PTPRD: variants seen among roughly 807,000 people sequenced by gnomAD.
The protein encoded by PTPRD is receptor-type tyrosine-protein phosphatase delta.
A neutral mutation model predicts 214.5 loss-of-function variants in PTPRD; 34 were observed. The ratio of observed to expected loss-of-function variants is 0.16; its 90% CI spans 0.12 to 0.21. PTPRD has a LOEUF of 0.21. PTPRD is among the 10% of genes least tolerant of loss of function. The pLI is 1.00. For synonymous variants in PTPRD, 1,128 were observed against 845.7 expected (o/e 1.33, Z -5.79); for missense variants, 2,545 against 2,398.7 (o/e 1.06, Z -1.27).
chr9:8,973,353 A>G (rs539572686), intron 11 of PTPRD, among the ~76,000 whole-genome samples: 1 of 152,174 alleles, frequency 6.6e-6, no homozygotes, highest in Non-Finnish European at 1.5e-5. Flanking sequence ...GCTTAGGATA[A>G]TGACCCCTAG....
At chr9:10,060,907 T>TC (rs1567408729) in intron 3 of PTPRD, among the ~76,000 whole-genome samples, 9 of 97,680 alleles carry the variant, frequency 9.2e-5, no homozygotes, top group African/African-American at 8.8e-4. Flanking sequence ...CTTCTTTCTT[T>TC]CTTTCTTTCT....
At position 8,339,033 on chromosome 9, in the gene PTPRD, T is replaced by C. The variant is rs1849711194; in HGVS notation, c.5268A>G (p.Gln1756=). The change falls in exon 43 of 46, where the codon CAA becomes CAG. Residue 1756 remains glutamine (Q), a synonymous_variant. Transcript: ENST00000381196. Reference sequence around the variant, plus strand: ...TTGCAGACCGTTCTGCTGGCCAGTATTGGTGACATTTCTCCTAAAAGGAGA... The same window carrying C: ...TTGCAGACCGTTCTGCTGGCCAGTACTGGTGACATTTCTCCTAAAAGGAGA... ...LREMGREKCH[Q]YWPAERSARY... is the part of the protein sequence containing the mutation. The C allele has an allele frequency of 1.2e-6, 2 of 1,611,496 alleles. No homozygotes were observed. Among genetic ancestry groups the C allele is most frequent in the Non-Finnish European group, 1.7e-6 (2 of 1,178,392 alleles).
At chr9:10,538,768 G>C (rs2058450041) in intron 2 of PTPRD, among the ~76,000 whole-genome samples, 1 of 152,080 alleles carries the variant, frequency 6.6e-6, no homozygotes. Flanking sequence ...TTCTTAAAAT[G>C]TGTAACAAAT....
intron 14 of PTPRD, among the ~76,000 whole-genome samples, chr9:8,533,129 T>C (rs779097598): frequency 3.3e-5 from 5 of 152,060 alleles, no homozygotes; most frequent in Non-Finnish European, 7.4e-5. Flanking sequence ...ATAAACAATA[T>C]TAACGATGCT....
At chr9:9,042,178 C>G (rs996107632) in intron 10 of PTPRD, among the ~76,000 whole-genome samples, 1 of 152,186 alleles carries the variant, frequency 6.6e-6, no homozygotes, top group African/African-American at 2.4e-5. Flanking sequence ...GACCGGTTGT[C>G]TCTGTGAGTC....
chr9:10,394,056 T>TTA (rs66596655), intron 2 of PTPRD, among the ~76,000 whole-genome samples: 2,630 of 139,996 alleles, frequency 0.019, 44 homozygotes, highest in Non-Finnish European at 0.026. Context: ...TATATACATA[T>TTA]TATATATATA....
chr9:9,738,589 C>A (rs1038973526), intron 6 of PTPRD, among the ~76,000 whole-genome samples: 2 of 151,552 alleles, frequency 1.3e-5, no homozygotes, highest in African/African-American at 4.9e-5. Flanking sequence ...CAGGCACGTG[C>A]CACCATCACG....
intron 11 of PTPRD, among the ~76,000 whole-genome samples, chr9:8,928,386 G>A (rs867504131): frequency 4.1e-4 from 63 of 152,226 alleles, no homozygotes; most frequent in Middle Eastern, 3.4e-3. Flanking sequence ...TGTATAAGGT[G>A]TAAGGAAGGG....
intron 9 of PTPRD, among the ~76,000 whole-genome samples, chr9:9,384,905 A>C (rs2063432575): frequency 6.6e-6 from 1 of 152,106 alleles, no homozygotes; most frequent in Non-Finnish European, 1.5e-5. Context: ...GAAACTCTCA[A>C]ACACTTTAAA....
chr9:9,692,049 A>C (rs532453505), intron 7 of PTPRD, among the ~76,000 whole-genome samples: 1 of 152,110 alleles, frequency 6.6e-6, no homozygotes, highest in East Asian at 1.9e-4. Context: ...AGTAGTTTGG[A>C]AATATTTTCT....
intron 9 of PTPRD, among the ~76,000 whole-genome samples, chr9:9,242,608 T>C (rs1046950347): frequency 1.1e-4 from 16 of 152,186 alleles, no homozygotes; most frequent in Non-Finnish European, 2.2e-4. Context: ...CCATCACTGA[T>C]ACCCTTTCTT....
At chr9:9,899,996 A>G (rs551517426) in intron 5 of PTPRD, among the ~76,000 whole-genome samples, 1 of 152,294 alleles carries the variant, frequency 6.6e-6, no homozygotes, top group South Asian at 2.1e-4. Context: ...CAGAAAGTAG[A>G]ATAATAGTTA....
intron 11 of PTPRD, among the ~76,000 whole-genome samples, chr9:8,813,701 A>G (rs2096863189): frequency 6.6e-6 from 1 of 152,274 alleles, no homozygotes; most frequent in East Asian, 1.9e-4. Context: ...ATGAGCTGTG[A>G]GGCTCGCTTC....
At chr9:9,685,619 A>C (rs1437887840) in intron 7 of PTPRD, among the ~76,000 whole-genome samples, 1 of 151,380 alleles carries the variant, frequency 6.6e-6, no homozygotes. Flanking sequence ...TTAAAGAAAC[A>C]AGGAAAAGTA....
chr9:8,679,571 G>A (rs2097509595), intron 12 of PTPRD, among the ~76,000 whole-genome samples: 1 of 152,148 alleles, frequency 6.6e-6, no homozygotes, highest in South Asian at 2.1e-4. Flanking sequence ...CTTTCAAATT[G>A]CTAAATTATC....
chr9:9,387,366 T>A (rs773491346), intron 9 of PTPRD, among the ~76,000 whole-genome samples: 3 of 152,222 alleles, frequency 2.0e-5, no homozygotes, highest in Admixed American at 6.5e-5. Flanking sequence ...TTATTTTTTT[T>A]CTTTAGATTT....
At chr9:10,545,976 T>G (rs191373846) in intron 2 of PTPRD, among the ~76,000 whole-genome samples, 7 of 152,232 alleles carry the variant, frequency 4.6e-5, no homozygotes, top group African/African-American at 1.7e-4. Flanking sequence ...CTTAGCACAT[T>G]CGACTATATA....
chr9:8,403,015 A>T (rs550489302), intron 36 of PTPRD, among the ~76,000 whole-genome samples: 2 of 152,294 alleles, frequency 1.3e-5, no homozygotes, highest in East Asian at 3.9e-4. Context: ...ATGTTGAGGT[A>T]AGGAGGGCCA....
intron 4 of PTPRD, among the ~76,000 whole-genome samples, chr9:10,017,654 A>G (rs13286755): frequency 0.12 from 18,842 of 152,122 alleles, 1,587 homozygotes; most frequent in African/African-American, 0.22. Flanking sequence ...CAATTATCTT[A>G]GTACATATAT....
Sources: allele counts gnomAD v4.1 joint callset (sites outside exome capture counted in the v4.1 genomes callset), GRCh38; gene constraint gnomAD v4.1.1; transcripts MANE v1.5; gene names NCBI Gene and HGNC (gene_info 2026-07-23, HGNC 2026-07-21).